Variants in NAF1 observed in about 807,000 individuals in gnomAD.
The protein encoded by NAF1 is nuclear assembly factor 1 ribonucleoprotein, also known as H/ACA ribonucleoprotein complex non-core subunit NAF1.
NAF1 carries 11 observed loss-of-function variants against 40.6 expected under a neutral mutation model. That is an observed-to-expected ratio of 0.27 (90% CI 0.17 to 0.45). The LOEUF (loss-of-function observed/expected upper bound fraction) is 0.45, where lower values mean the gene tolerates loss of function less well. NAF1 is among the 20% of genes least tolerant of loss of function. The pLI, the probability that NAF1 is intolerant of heterozygous loss-of-function variation, is 1.00. For missense variants in NAF1, 607 were observed against 611.1 expected (o/e 0.99, Z 0.07); for synonymous variants, 260 against 228.5 (o/e 1.14, Z -1.24).
chr4:163,161,792 T>A (rs1346775395), intron 2 of NAF1, among the ~76,000 whole-genome samples: 2 of 152,178 alleles, frequency 1.3e-5, no homozygotes, highest in Non-Finnish European at 2.9e-5. Context: ...CCTTTTGGAA[T>A]GGATATAAGC....
At chr4:163,164,654 A>G (rs1464394385) in intron 1 of NAF1, among the ~76,000 whole-genome samples, 1 of 152,196 alleles carries the variant, frequency 6.6e-6, no homozygotes, top group African/African-American at 2.4e-5. Context: ...AACCTTTGCC[A>G]TAACCCAGAT....
At chr4:163,117,465 A>G (rs1378318862) in intron 2 of NAF1, 1 of 152,068 alleles carries the variant, frequency 6.6e-6, no homozygotes, top group Non-Finnish European at 1.5e-5. Flanking sequence ...ATTAACAGCA[A>G]CTTATATGTA....
chr4:163,162,788 C>T (rs193157291), intron 2 of NAF1, among the ~76,000 whole-genome samples: 1 of 152,082 alleles, frequency 6.6e-6, no homozygotes, highest in African/African-American at 2.4e-5. Flanking sequence ...GCCTGAGAAC[C>T]CATTATCTAT....
At chr4:163,145,930 T>A in intron 3 of NAF1, 66 bp from the exon 4 acceptor site, 1 of 839,778 alleles carries the variant, frequency 1.2e-6, no homozygotes, top group Non-Finnish European at 1.9e-6. Flanking sequence ...AATGAAAATC[T>A]AAGCTTTAAT....
chr4:163,129,358 A>C lies in NAF1; in HGVS notation c.1034-10T>G. The C allele has an allele frequency of 6.3e-7, 1 of 1,584,258 alleles. No homozygotes were observed. Among genetic ancestry groups the C allele is most frequent in the South Asian group, 1.1e-5 (1 of 88,740 alleles). ...TCAGTAAAATCTTCACCTTTGAGTGAGGGGAGGGAAAACATAAAAAGGAAA... is the reference window on the plus strand; with the variant it reads ...TCAGTAAAATCTTCACCTTTGAGTGCGGGGAGGGAAAACATAAAAAGGAAA... On this transcript the variant is annotated splice_polypyrimidine_tract_variant and intron_variant, in intron 7 of 7. Transcript: ENST00000274054.
chr4:163,116,421 CT>C (rs1294167753), intron 2 of NAF1, among the ~76,000 whole-genome samples: 2 of 152,126 alleles, frequency 1.3e-5, no homozygotes, highest in African/African-American at 4.8e-5. Context: ...AGAGAGAGAT[CT>C]GTATTAAGGC....
In NAF1 at chr4:163,133,202, ATT is replaced by A; in HGVS notation, c.983_984del (p.Lys328IlefsTer12). On this transcript the variant is annotated frameshift_variant, in exon 7 of 8. Transcript: ENST00000274054. LOFTEE classifies it low-confidence loss of function (END_TRUNC). Reference sequence around the variant, plus strand: ...AGTTTTTTCCGGCCTTGAATCTGAGATTTTTTCCTCTGTTTGGCTTCCTTCTC... The same window carrying A: ...AGTTTTTTCCGGCCTTGAATCTGAGATTTTCCTCTGTTTGGCTTCCTTCTC... ...EKEKEAKQRK[K>X]SQIQGRKKLK... The A allele has an allele frequency of 6.2e-7, 1 of 1,613,820 alleles. No individual in the cohort carries two copies. Among genetic ancestry groups the A allele is most frequent in the Non-Finnish European group, 8.5e-7 (1 of 1,179,868 alleles).
intron 2 of NAF1, among the ~76,000 whole-genome samples, chr4:163,159,350 G>A (rs1732124919): frequency 6.6e-6 from 1 of 151,892 alleles, no homozygotes; most frequent in Admixed American, 6.6e-5. Context: ...AAGCACTTTG[G>A]GAAGAATGTT....
downstream of NAF1, chr4:163,127,119 G>C: frequency 6.5e-7 from 1 of 1,549,814 alleles, no homozygotes; most frequent in Non-Finnish European, 8.7e-7. Context: ...CCTGTACCTG[G>C]GGTAAAGAAA....
At chr4:163,163,663 A>C (rs1246263572) in intron 2 of NAF1, among the ~76,000 whole-genome samples, 1 of 148,038 alleles carries the variant, frequency 6.8e-6, no homozygotes, top group African/African-American at 2.6e-5. Context: ...TCGAGTGCCA[A>C]TAAATACCAT....
intron 3 of NAF1, among the ~76,000 whole-genome samples, chr4:163,147,898 T>A (rs1385515439): frequency 2.0e-5 from 3 of 152,106 alleles, no homozygotes; most frequent in African/African-American, 7.2e-5. Context: ...AGTCAAGGAA[T>A]GTGGGCAGGC....
Position 163,140,277 on chromosome 4 carries a change from A to T in NAF1, c.824T>A (p.Phe275Tyr). 1 of 1,608,086 alleles carries T rather than the reference A, an allele frequency of 6.2e-7. No individual in the cohort carries two copies. Among genetic ancestry groups the T allele is most frequent in the Non-Finnish European group, 8.5e-7 (1 of 1,177,412 alleles). Residue 275 changes from phenylalanine (F) to tyrosine (Y), a missense_variant, in exon 5 of 8, where the codon TTT becomes TAT. Phe to Tyr is a conservative substitution (Grantham distance 22). Transcript: ENST00000274054. ...AGTGAAATCTTTCATTGATGGAGCA[A>T]AATACATAGTCTCCTTTATTTTAAT... ...KGIKIKETMY[F>Y]APSMKDFTQY...
intron 2 of NAF1, among the ~76,000 whole-genome samples, chr4:163,153,967 C>T (rs1044281905): frequency 5.9e-5 from 9 of 152,146 alleles, no homozygotes; most frequent in African/African-American, 2.2e-4. Flanking sequence ...GACCACGAGC[C>T]CACTGGGAGG....
At chr4:163,147,972 C>T (rs568176004) in intron 3 of NAF1, among the ~76,000 whole-genome samples, 4 of 152,156 alleles carry the variant, frequency 2.6e-5, no homozygotes, top group African/African-American at 9.6e-5. Flanking sequence ...AATAACTCAG[C>T]CCTGTTAACA....
chr4:163,140,562 A>G (rs1731224174), intron 4 of NAF1, among the ~76,000 whole-genome samples, 179 bp from the exon 5 acceptor site: 1 of 152,192 alleles, frequency 6.6e-6, no homozygotes, highest in Non-Finnish European at 1.5e-5. Context: ...CAGTCTTCAT[A>G]TATTGATTAA....
chr4:163,142,661 A>C (rs1731307670), intron 4 of NAF1, among the ~76,000 whole-genome samples: 1 of 152,236 alleles, frequency 6.6e-6, no homozygotes, highest in South Asian at 2.1e-4. Context: ...GCCATACAAT[A>C]GACAGTATGT....
intron 2 of NAF1, among the ~76,000 whole-genome samples, chr4:163,114,410 A>T (rs1412921946): frequency 6.6e-6 from 1 of 152,120 alleles, no homozygotes; most frequent in Non-Finnish European, 1.5e-5. Flanking sequence ...TCCTTGATCA[A>T]CTCGAATCCA....
intron 5 of NAF1, among the ~76,000 whole-genome samples, chr4:163,137,736 C>T (rs1001000922): frequency 3.3e-5 from 5 of 152,064 alleles, no homozygotes; most frequent in African/African-American, 1.2e-4. Flanking sequence ...GTCAGCAATC[C>T]TCTATGAGTA....
At chr4:163,154,317 T>C (rs1204184694) in intron 2 of NAF1, among the ~76,000 whole-genome samples, 1 of 152,166 alleles carries the variant, frequency 6.6e-6, no homozygotes, top group Non-Finnish European at 1.5e-5. Context: ...ACTCTACCTA[T>C]AAAAGTGATG....
Sources: allele counts gnomAD v4.1 joint callset (sites outside exome capture counted in the v4.1 genomes callset), GRCh38; gene constraint gnomAD v4.1.1; transcripts MANE v1.5; gene names NCBI Gene and HGNC (gene_info 2026-07-23, HGNC 2026-07-21).